Variants in PDE10A observed in about 807,000 individuals in gnomAD.
PDE10A encodes the protein phosphodiesterase 10A, also known as cAMP and cAMP-inhibited cGMP 3',5'-cyclic phosphodiesterase 10A.
PDE10A carries 39 observed loss-of-function variants against 97.7 expected under a neutral mutation model. That is an observed-to-expected ratio of 0.40 (90% CI 0.31 to 0.52). PDE10A has a LOEUF of 0.52. Among genes scored for constraint, PDE10A ranks in the 20% least tolerant of loss-of-function variants. The probability of loss-of-function intolerance (pLI) is 0.56; values close to 1 mark genes in which losing one functional copy is unlikely to be tolerated. For synonymous variants in PDE10A, 371 were observed against 376.8 expected, an observed-to-expected ratio of 0.98 and a Z score of 0.18; for missense variants, 731 against 1,047.8, an observed-to-expected ratio of 0.70 and a Z score of 4.17.
At chr6:165,943,178 AGAAAGAAAG>A (rs1783597538) in intron 1 of PDE10A, among the ~76,000 whole-genome samples, 1 of 48,018 alleles carries the variant, frequency 2.1e-5, no homozygotes, top group African/African-American at 1.3e-4. Context: ...GAAAGAAAAA[AGAAAGAAAG>A]AAAGAAAGAA....
At chr6:165,473,499 A>G (rs372774267) in intron 3 of PDE10A, among the ~76,000 whole-genome samples, 2 of 152,202 alleles carry the variant, frequency 1.3e-5, no homozygotes, top group East Asian at 1.9e-4. Flanking sequence ...GAGTCCATGG[A>G]AAGACATTTT....
rs145404375 is a variant in PDE10A at position 165,722,934 on chromosome 6, T to TTA, written c.-614-179368_-614-179367dup. On this transcript the variant is annotated intron_variant, in intron 1 of 19. Coordinates refer to the PDE10A transcript ENST00000366882. ...TATGTGTGTATATATATTTTAAGTT[T>TTA]TATATATATATATATCACCCAGAAT... 3.2e-4 allele frequency among the ~76,000 whole-genome samples: 48 copies of TTA among 148,154 alleles called. No individual in the cohort carries two copies. In the South Asian group the frequency reaches 4.0e-3, roughly 12 times the overall value.
chr6:165,705,143 G>C (rs1791676057), intron 1 of PDE10A, among the ~76,000 whole-genome samples: 1 of 152,256 alleles, frequency 6.6e-6, no homozygotes, highest in Non-Finnish European at 1.5e-5. Context: ...GTGAAGCCTG[G>C]ATGGGGCAGG....
intron 4 of PDE10A, 85 bp downstream of exon 4, chr6:165,450,157 C>T (rs1490510180): frequency 2.4e-6 from 2 of 828,646 alleles, no homozygotes; most frequent in Non-Finnish European, 1.8e-6. Flanking sequence ...TGACTTTCAT[C>T]TGCCTCTTAG....
At chr6:165,939,912 C>G (rs554999762) in intron 1 of PDE10A, 51 of 152,362 alleles carry the variant, frequency 3.3e-4, no homozygotes, top group African/African-American at 1.2e-3. Flanking sequence ...CCCGCACAAC[C>G]AAGCTCCAGC....
intron 1 of PDE10A, among the ~76,000 whole-genome samples, chr6:165,693,541 A>AAC (rs1344673307): frequency 2.6e-5 from 4 of 151,086 alleles, no homozygotes; most frequent in African/African-American, 9.7e-5. Flanking sequence ...AAAAAAAAAA[A>AAC]AAAAAAAAAA....
intron 15 of PDE10A, among the ~76,000 whole-genome samples, chr6:165,393,947 T>C (rs1273601225): frequency 6.6e-6 from 1 of 152,214 alleles, no homozygotes; most frequent in Non-Finnish European, 1.5e-5. Flanking sequence ...ATCAAATTAC[T>C]GACAAAGTAT....
At chr6:165,485,473 A>AT (rs34160619) in intron 2 of PDE10A, among the ~76,000 whole-genome samples, 116 of 151,310 alleles carry the variant, frequency 7.7e-4, no homozygotes, top group African/African-American at 1.8e-3. Flanking sequence ...GTCTCAAAAA[A>AT]AAAAAAAAAA....
chr6:165,676,265 T>G (rs1229867711), intron 1 of PDE10A, among the ~76,000 whole-genome samples: 1 of 151,870 alleles, frequency 6.6e-6, no homozygotes, highest in African/African-American at 2.4e-5. Flanking sequence ...GATAAGAAAA[T>G]TGCCGATTGG....
At chr6:165,421,863 A>G (rs1049370589) in intron 10 of PDE10A, among the ~76,000 whole-genome samples, 2 of 152,154 alleles carry the variant, frequency 1.3e-5, no homozygotes, top group African/African-American at 4.8e-5. Flanking sequence ...GGAGTTTGAG[A>G]CCAGCTTGGG....
intron 1 of PDE10A, among the ~76,000 whole-genome samples, chr6:165,920,171 G>A (rs1398405155): frequency 3.9e-5 from 6 of 152,252 alleles, no homozygotes; most frequent in Admixed American, 1.3e-4. Flanking sequence ...GAGTATTTAC[G>A]TTAGAACTGT....
At chr6:165,334,611 ACTTTCT>A (rs1781541743) in intron 21 of PDE10A, among the ~76,000 whole-genome samples, 1 of 152,176 alleles carries the variant, frequency 6.6e-6, no homozygotes, top group Admixed American at 6.5e-5. Context: ...TTGATATCCC[ACTTTCT>A]CTTTAATTTT....
At chr6:165,468,512 C>T (rs1353396119) in intron 3 of PDE10A, among the ~76,000 whole-genome samples, 2 of 152,126 alleles carry the variant, frequency 1.3e-5, no homozygotes, top group African/African-American at 2.4e-5. Flanking sequence ...TCTTGTGACT[C>T]ACTTTATGGT....
chr6:165,473,799 T>G (rs906514544), intron 3 of PDE10A, among the ~76,000 whole-genome samples: 5 of 151,950 alleles, frequency 3.3e-5, no homozygotes, highest in African/African-American at 1.2e-4. Context: ...ACACTGGGAG[T>G]GTCTTCTCTA....
At chr6:165,525,242 T>C (rs1782366932) in intron 2 of PDE10A, among the ~76,000 whole-genome samples, 2 of 152,220 alleles carry the variant, frequency 1.3e-5, no homozygotes, top group South Asian at 2.1e-4. Context: ...GGCATGGGAA[T>C]GGATATTAAG....
chr6:165,378,662 A>G (rs1784758114), intron 18 of PDE10A, among the ~76,000 whole-genome samples: 1 of 152,162 alleles, frequency 6.6e-6, no homozygotes, highest in Non-Finnish European at 1.5e-5. Flanking sequence ...TTGTAATTCC[A>G]TGTTCACCAA....
At chr6:165,503,399 C>T (rs1781011553) in intron 2 of PDE10A, among the ~76,000 whole-genome samples, 1 of 152,154 alleles carries the variant, frequency 6.6e-6, no homozygotes, top group Non-Finnish European at 1.5e-5. Context: ...GCAATCTGCA[C>T]AGGGAATGAT....
chr6:165,645,227 G>A (rs1324301782), intron 1 of PDE10A, among the ~76,000 whole-genome samples: 2 of 152,174 alleles, frequency 1.3e-5, no homozygotes, highest in East Asian at 3.9e-4. Flanking sequence ...CAGCGAGGGT[G>A]CGGCTGCCTT....
chr6:165,563,981 C>CG (rs140472446), intron 1 of PDE10A, among the ~76,000 whole-genome samples: 8,635 of 151,970 alleles, frequency 0.057, 533 homozygotes, highest in East Asian at 0.32. Context: ...CTCAGTCAGT[C>CG]ACCCCCTCCA....
Sources: allele counts gnomAD v4.1 joint callset (sites outside exome capture counted in the v4.1 genomes callset), GRCh38; gene constraint gnomAD v4.1.1; transcripts MANE v1.5; gene names NCBI Gene and HGNC (gene_info 2026-07-23, HGNC 2026-07-21).